SEZ6: variants seen among roughly 807,000 people sequenced by gnomAD.
The protein encoded by SEZ6 is seizure protein 6 homolog.
SEZ6 carries 53 observed loss-of-function variants against 101.0 expected under a neutral mutation model. The ratio of observed to expected loss-of-function variants is 0.52; its 90% CI spans 0.42 to 0.66. SEZ6 has a LOEUF of 0.66. Ranked by LOEUF, SEZ6 falls within the 30% of genes least tolerant of loss-of-function variation. The pLI, the probability that SEZ6 is intolerant of heterozygous loss-of-function variation, is 0.00. For missense variants in SEZ6, 1,102 were observed against 1,289.4 expected (o/e 0.85, Z 2.23); for synonymous variants, 488 against 512.2 (o/e 0.95, Z 0.64).
At chr17:29,004,310 G>A (rs759165165) in intron 1 of SEZ6, among the ~76,000 whole-genome samples, 2 of 152,180 alleles carry the variant, frequency 1.3e-5, no homozygotes, top group Non-Finnish European at 2.9e-5. Flanking sequence ...AGATAGGTTC[G>A]GAATTCCTAG....
At chr17:28,995,065 G>A (rs952905431) in intron 1 of SEZ6, among the ~76,000 whole-genome samples, 7 of 151,322 alleles carry the variant, frequency 4.6e-5, no homozygotes, top group Admixed American at 2.0e-4. Context: ...AGTACAGACG[G>A]GGTTTCACCG....
At chr17:28,985,233 C>T (rs772006845) in intron 1 of SEZ6, among the ~76,000 whole-genome samples, 1 of 152,200 alleles carries the variant, frequency 6.6e-6, no homozygotes, top group South Asian at 2.1e-4. Flanking sequence ...GGGAGAGGCA[C>T]GGACTCGTCG....
intron 1 of SEZ6, among the ~76,000 whole-genome samples, chr17:28,988,923 G>A (rs1341167411): frequency 6.6e-6 from 1 of 152,222 alleles, no homozygotes. Context: ...TGGGAAGAGT[G>A]AACCCTCCAG....
intron 4 of SEZ6, among the ~76,000 whole-genome samples, chr17:28,969,122 A>G (rs2041112596): frequency 6.6e-6 from 1 of 152,340 alleles, no homozygotes; most frequent in East Asian, 1.9e-4. Context: ...TCAACAGCCA[A>G]TGAGGAGATT....
intron 3 of SEZ6, 133 bp downstream of exon 3, chr17:28,979,547 C>T (rs2041268684): frequency 7.5e-7 from 1 of 1,337,176 alleles, no homozygotes; most frequent in Admixed American, 2.1e-5. Context: ...GCCCATCTCC[C>T]AGCCCTGGCC....
chr17:28,992,475 T>C (rs894567280), intron 1 of SEZ6, among the ~76,000 whole-genome samples: 7 of 152,178 alleles, frequency 4.6e-5, no homozygotes, highest in African/African-American at 1.7e-4. Context: ...CACTACCATG[T>C]GTCCCTGCCC....
chr17:28,971,221 G>T (rs2041147073), intron 3 of SEZ6, among the ~76,000 whole-genome samples: 1 of 152,144 alleles, frequency 6.6e-6, no homozygotes, highest in South Asian at 2.1e-4. Context: ...TTTATAAAAC[G>T]AACTAGTGGA....
rs1233127064 is a variant in SEZ6, at chr17:28,955,240, G to A, written c.*722C>T. On this transcript the variant is annotated 3_prime_UTR_variant, in exon 17 of 17. Transcript: ENST00000317338. ...TGTTTGCAACAGCTAAATAAACATC[G>A]GAGGAAAGTCTCCCTTTCCTCAGGG... 1.8e-5 allele frequency: 3 copies of A among 167,556 alleles called. No individual in the cohort carries two copies. The highest frequency in any genetic ancestry group is 5.7e-5 in the Admixed American group (1 of 17,458). The allele number at this position is 167,556 out of a possible 1,614,324, so 10.4% of individuals were successfully genotyped here. A position where few individuals can be genotyped will look rare whatever the true frequency, so the allele number is the denominator to read the frequency against.
chr17:28,969,672 G>T (rs1212672979), intron 4 of SEZ6, 85 bp downstream of exon 4: 4 of 1,247,226 alleles, frequency 3.2e-6, no homozygotes, highest in Non-Finnish European at 4.2e-6. Flanking sequence ...CTTCCCTCTA[G>T]GATGTAATTG....
At position 28,958,132 on chromosome 17, in the gene SEZ6, C is replaced by A; in HGVS notation, c.2117G>T (p.Arg706Leu). Residue 706 changes from arginine to leucine, a missense_variant, in exon 11 of 17, where the codon CGC (arginine) becomes CTC (leucine). Physicochemically the swap from Arg to Leu is moderately radical, Grantham distance 102. Transcript: ENST00000317338. ...GFVIHFFEVP[R>L]NDTCPELPEI... is the part of the protein sequence containing the mutation. ...AGGCAGCTCCGGACATGTGTCATTG[C>A]GGGGCACCTCTGGGGGCACAGAGGC... 6.3e-7 allele frequency: 1 copy of A among 1,592,364 alleles called. No individual in the cohort carries two copies. The highest frequency in any genetic ancestry group is 8.6e-7 in the Non-Finnish European group (1 of 1,162,970).
At chr17:28,986,005 C>T (rs1026446008) in intron 1 of SEZ6, among the ~76,000 whole-genome samples, 1 of 152,186 alleles carries the variant, frequency 6.6e-6, no homozygotes, top group East Asian at 1.9e-4. Flanking sequence ...AAACACCCCT[C>T]CCTTCCCCGC....
intron 7 of SEZ6, 52 bp downstream of exon 7, chr17:28,960,453 C>A: frequency 6.4e-7 from 1 of 1,553,864 alleles, no homozygotes. Context: ...ACCCTAGGCC[C>A]GAGCCCATCC....
At position 28,955,878 on chromosome 17, in the gene SEZ6, A is replaced by G; in HGVS notation, c.*84T>C. On this transcript the variant is annotated 3_prime_UTR_variant, in exon 17 of 17. Transcript: ENST00000317338. Reference sequence around the variant, plus strand: ...TGGTATATACAGGAGGTGGAGGGACAGCAGGAAGCAAGGAGCCTTGCTGCT... The same window carrying G: ...TGGTATATACAGGAGGTGGAGGGACGGCAGGAAGCAAGGAGCCTTGCTGCT... 6.8e-7 allele frequency: 1 copy of G among 1,467,926 alleles called. No homozygotes were observed. Among genetic ancestry groups the G allele is most frequent in the Non-Finnish European group, 9.4e-7 (1 of 1,066,638 alleles). 90.9% of individuals were successfully genotyped at this position (1,467,926 alleles called of 1,614,324 possible). A position where few individuals can be genotyped will look rare whatever the true frequency, so the allele number is the denominator to read the frequency against.
Position 28,960,568 on chromosome 17 carries a change from AGT to A in SEZ6, c.1511_1512del (p.His504LeufsTer4). 6.3e-7 allele frequency: 1 copy of A among 1,593,856 alleles called. No individual in the cohort carries two copies. Among genetic ancestry groups the A allele is most frequent in the South Asian group, 1.1e-5 (1 of 87,628 alleles). Reference sequence around the variant, plus strand: ...CTGTCAGTACTGAGCTCAACAAAGAAGTGTTTGCCAGAGCTGAGCAGGCCCTC... The same window carrying A: ...CTGTCAGTACTGAGCTCAACAAAGAAGTTTGCCAGAGCTGAGCAGGCCCTC... ...PIEGLLSSGK[H>X]FFVELSTDSS... On this transcript the variant is annotated frameshift_variant, in exon 7 of 17. Coordinates refer to ENST00000317338, the MANE Select transcript of SEZ6 (RefSeq NM_178860.5). LOFTEE classifies it high-confidence loss of function.
chr17:28,974,539 A>G (rs539113221), intron 3 of SEZ6, among the ~76,000 whole-genome samples: 3 of 152,296 alleles, frequency 2.0e-5, no homozygotes, highest in Admixed American at 6.5e-5. Flanking sequence ...TAAAGTCTCA[A>G]TAAGGGAGGC....
Position 28,955,753 on chromosome 17 carries a change from G to A in SEZ6, c.*209C>T, listed in dbSNP as rs2040868615. The A allele has an allele frequency of 5.7e-6, 4 of 705,562 alleles. No individual in the cohort carries two copies. Among genetic ancestry groups the A allele is most frequent in the Non-Finnish European group, 1.0e-5 (4 of 389,316 alleles). 43.7% of individuals were successfully genotyped at this position (705,562 alleles called of 1,614,324 possible). A position where few individuals can be genotyped will look rare whatever the true frequency, so the allele number is the denominator to read the frequency against. ...CCCCCTGACATGGGCCCAATGAAGGGCCCCAAGTGGGCAATGACACCAAGA... is the reference window on the plus strand; with the variant it reads ...CCCCCTGACATGGGCCCAATGAAGGACCCCAAGTGGGCAATGACACCAAGA... On this transcript the variant is annotated 3_prime_UTR_variant, in exon 17 of 17. Coordinates refer to ENST00000317338, the MANE Select transcript of SEZ6 (RefSeq NM_178860.5).
Position 28,969,947 on chromosome 17 carries a change from C to G in SEZ6, c.864G>C (p.Gln288His). 6.5e-7 allele frequency: 1 copy of G among 1,535,860 alleles called. No individual in the cohort carries two copies. Among genetic ancestry groups the G allele is most frequent in the Non-Finnish European group, 8.7e-7 (1 of 1,151,600 alleles). ...TCTCCCCTTCCCGGAGGCTGATATT[C>G]TGGACCTGTCAGTAGAGTAGAGAGA... ...YPGYGVEIKV[Q>H]NISLREGETV... is the part of the protein sequence containing the mutation. Residue 288 changes from glutamine (Q) to histidine (H), a missense_variant, in exon 4 of 17, where the codon CAG becomes CAC. By Grantham distance (24) the Gln-to-His change is conservative (BLOSUM62 0). Transcript: ENST00000317338.
chr17:28,981,005 C>T (rs752752014), intron 2 of SEZ6, among the ~76,000 whole-genome samples: 3 of 152,236 alleles, frequency 2.0e-5, no homozygotes, highest in Non-Finnish European at 2.9e-5. Context: ...GAGTGATTCT[C>T]CTGCCTCAGC....
intron 16 of SEZ6, 69 bp downstream of exon 16, chr17:28,956,090 G>A (rs1243183499): frequency 1.0e-5 from 16 of 1,596,034 alleles, no homozygotes; most frequent in Middle Eastern, 3.6e-4. Context: ...AGGACCCTCA[G>A]GGTTATCTGC....
Sources: gnomAD v4.1 joint callset for allele counts (sites outside exome capture counted in the v4.1 genomes callset) on GRCh38, gnomAD v4.1.1 for gene constraint, MANE v1.5 for transcripts, NCBI Gene and HGNC (gene_info 2026-07-23, HGNC 2026-07-21) for gene names.